RIMS2: variants seen among roughly 807,000 people sequenced by gnomAD.
RIMS2 encodes the protein regulating synaptic membrane exocytosis 2, also known as regulating synaptic membrane exocytosis protein 2.
RIMS2 carries 59 observed loss-of-function variants against 174.4 expected under a neutral mutation model. The observed-to-expected ratio is 0.34, with a 90% CI of 0.27 to 0.42. The LOEUF (loss-of-function observed/expected upper bound fraction) is 0.42. RIMS2 is among the 10% of genes least tolerant of loss of function. The probability of loss-of-function intolerance (pLI) is 1.00; values close to 1 mark genes in which losing one functional copy is unlikely to be tolerated. For missense variants in RIMS2, 1,620 were observed against 1,666.3 expected, an observed-to-expected ratio of 0.97 and a Z score of 0.48; for synonymous variants, 606 against 572.5, an observed-to-expected ratio of 1.06 and a Z score of -0.84.
At chr8:103,873,929 G>T (rs1341742304) in intron 3 of RIMS2, among the ~76,000 whole-genome samples, 1 of 151,854 alleles carries the variant, frequency 6.6e-6, no homozygotes, top group Non-Finnish European at 1.5e-5. Context: ...GAAAAGTTTA[G>T]GTTCAAGTAA....
chr8:103,566,720 A>G (rs1389325996), intron 1 of RIMS2, among the ~76,000 whole-genome samples: 1 of 152,112 alleles, frequency 6.6e-6, no homozygotes, highest in African/African-American at 2.4e-5. Context: ...CTTGTTCTAT[A>G]TCCTTTCCTA....
chr8:103,803,885 C>T (rs949172138), intron 3 of RIMS2, among the ~76,000 whole-genome samples: 7 of 152,094 alleles, frequency 4.6e-5, no homozygotes, highest in Admixed American at 4.6e-4. Flanking sequence ...GGCATGCCAA[C>T]AATCACATGA....
intron 1 of RIMS2, among the ~76,000 whole-genome samples, chr8:103,665,837 G>T (rs2096661289): frequency 6.6e-6 from 1 of 152,004 alleles, no homozygotes; most frequent in Admixed American, 6.6e-5. Context: ...TCACAATTTT[G>T]CATGTCTTTC....
At chr8:104,060,694 A>C (rs1031334224) in intron 19 of RIMS2, among the ~76,000 whole-genome samples, 10 of 151,906 alleles carry the variant, frequency 6.6e-5, no homozygotes, top group African/African-American at 1.5e-4. Context: ...CCTGCTTTCT[A>C]TTATGGGCAT....
chr8:103,847,825 G>A (rs1210539561), intron 3 of RIMS2, among the ~76,000 whole-genome samples: 1 of 152,016 alleles, frequency 6.6e-6, no homozygotes, highest in Non-Finnish European at 1.5e-5. Flanking sequence ...AGTAGAATAT[G>A]CTGTTGGGCA....
chr8:103,991,195 T>A (rs1036207722), intron 17 of RIMS2, among the ~76,000 whole-genome samples: 5 of 151,720 alleles, frequency 3.3e-5, no homozygotes, highest in African/African-American at 1.2e-4. Flanking sequence ...GTTCATATAA[T>A]TATTTTCTGA....
rs141954939 is a variant in RIMS2 at position 103,936,829 on chromosome 8, C to T, written c.2547+107C>T. ...TTGTAGAATAGGCCAGGCATGGTGGCTCATGCCTGTAATCTCAGCACTTTG... is the reference window on the plus strand; with the variant it reads ...TTGTAGAATAGGCCAGGCATGGTGGTTCATGCCTGTAATCTCAGCACTTTG... On this transcript the variant is annotated intron_variant, in intron 13 of 23. Transcript: ENST00000504942. The T allele has an allele frequency of 2.2e-3, 1,853 of 832,006 alleles. 33 individuals are homozygous for T. The African/African-American group carries it at 0.029, about 13-fold the overall frequency. The allele number at this position is 832,006 out of a possible 1,614,324, so 51.5% of individuals were successfully genotyped here.
intron 3 of RIMS2, among the ~76,000 whole-genome samples, chr8:103,807,828 T>C (rs1231821808): frequency 6.6e-6 from 1 of 152,172 alleles, no homozygotes; most frequent in Non-Finnish European, 1.5e-5. Flanking sequence ...CCTTTACTTT[T>C]AAGTAGCTAG....
chr8:103,679,177 T>C (rs913483265), intron 1 of RIMS2, among the ~76,000 whole-genome samples: 9 of 152,030 alleles, frequency 5.9e-5, no homozygotes, highest in African/African-American at 2.2e-4. Flanking sequence ...CTGAAATATA[T>C]GGATTCTCCC....
chr8:104,049,728 A>G (rs761849132), intron 19 of RIMS2, among the ~76,000 whole-genome samples: 1 of 152,198 alleles, frequency 6.6e-6, no homozygotes, highest in Non-Finnish European at 1.5e-5. Flanking sequence ...AAAATTTTCC[A>G]CTTCAATAGC....
At chr8:103,666,925 G>A (rs1022987413) in intron 1 of RIMS2, among the ~76,000 whole-genome samples, 2 of 152,094 alleles carry the variant, frequency 1.3e-5, no homozygotes, top group Non-Finnish European at 2.9e-5. Flanking sequence ...TTGAGTTTTT[G>A]TTGTTCCAGT....
Position 104,148,521 on chromosome 8 carries a change from A to G in RIMS2, c.3335-96395A>G, listed in dbSNP as rs559585838. The G allele has an allele frequency of 2.5e-6, 3 of 1,189,374 alleles. No individual in the cohort carries two copies. The Admixed American group carries it at 8.1e-5, about 32-fold the overall frequency. 73.7% of individuals were successfully genotyped at this position (1,189,374 alleles called of 1,614,324 possible). A position where few individuals can be genotyped will look rare whatever the true frequency, so the allele number is the denominator to read the frequency against. ...ATTCCATAGATGATATAATTTAATT[A>G]TACTCCAAATGTTTTATCTAAAATG... On this transcript the variant is annotated intron_variant, in intron 19 of 23. Coordinates refer to ENST00000504942, the Ensembl canonical transcript of RIMS2.
intron 19 of RIMS2, among the ~76,000 whole-genome samples, chr8:104,035,950 A>G (rs1007011968): frequency 3.3e-5 from 5 of 152,098 alleles, no homozygotes; most frequent in Non-Finnish European, 4.4e-5. Flanking sequence ...AGAAGTAAAT[A>G]ACACATTCTT....
intron 19 of RIMS2, among the ~76,000 whole-genome samples, chr8:104,115,558 C>T (rs2098266095): frequency 6.6e-6 from 1 of 152,058 alleles, no homozygotes; most frequent in Non-Finnish European, 1.5e-5. Context: ...ATAGAAACTG[C>T]CTACATCAAG....
chr8:103,757,723 C>T (rs1239260108), intron 2 of RIMS2, among the ~76,000 whole-genome samples: 1 of 152,124 alleles, frequency 6.6e-6, no homozygotes, highest in African/African-American at 2.4e-5. Flanking sequence ...CAGGTTGGCC[C>T]TAAATGCAAT....
chr8:103,795,425 G>T (rs1483284413), intron 3 of RIMS2, among the ~76,000 whole-genome samples: 11 of 148,778 alleles, frequency 7.4e-5, no homozygotes, highest in Non-Finnish European at 1.5e-4. Context: ...ACACACTGGG[G>T]CATGTTGTGG....
intron 19 of RIMS2, among the ~76,000 whole-genome samples, chr8:104,064,458 T>C (rs1225428265): frequency 6.6e-6 from 1 of 152,070 alleles, no homozygotes; most frequent in Admixed American, 6.6e-5. Context: ...AAAGGTCTTG[T>C]GTAATTTAAG....
At chr8:103,914,404 T>C (rs1463005414) in intron 6 of RIMS2, among the ~76,000 whole-genome samples, 1 of 152,204 alleles carries the variant, frequency 6.6e-6, no homozygotes, top group Non-Finnish European at 1.5e-5. Flanking sequence ...AATTGAATTG[T>C]TGTAATATGA....
intron 1 of RIMS2, among the ~76,000 whole-genome samples, chr8:103,554,366 A>G (rs902911429): frequency 4.6e-5 from 7 of 152,200 alleles, no homozygotes; most frequent in Admixed American, 3.3e-4. Flanking sequence ...CAGCACCATT[A>G]AAAAGTGGGC....
Sources: allele counts gnomAD v4.1 joint callset (sites outside exome capture counted in the v4.1 genomes callset), GRCh38; gene constraint gnomAD v4.1.1; transcripts MANE v1.5; gene names NCBI Gene and HGNC (gene_info 2026-07-23, HGNC 2026-07-21).